PLG: variants seen among roughly 807,000 people sequenced by gnomAD.
PLG encodes the protein plasminogen.
PLG carries 41 observed loss-of-function variants against 104.4 expected under a neutral mutation model. The observed-to-expected ratio is 0.39, with a 90% CI of 0.31 to 0.51. The LOEUF (loss-of-function observed/expected upper bound fraction) is 0.51. PLG is among the 20% of genes least tolerant of loss of function. PLG has a pLI of 0.76. For synonymous variants in PLG, 337 were observed against 357.1 expected, an observed-to-expected ratio of 0.94 and a Z score of 0.63; for missense variants, 891 against 1,003.6, an observed-to-expected ratio of 0.89 and a Z score of 1.52.
chr6:160,706,567 C>A (rs376903431), intron 2 of PLG, 25 bp downstream of exon 2: 13 of 1,606,370 alleles, frequency 8.1e-6, no homozygotes, highest in African/African-American at 6.7e-5. Flanking sequence ...GTTGCACCTA[C>A]GCAGGAATCT....
In PLG at chr6:160,706,447, G is replaced by A. The variant is rs1777525920; in HGVS notation, c.90G>A (p.Gly30=). 6.2e-7 allele frequency: 1 copy of A among 1,613,638 alleles called. No homozygotes were observed. Among genetic ancestry groups the A allele is most frequent in the Non-Finnish European group, 8.5e-7 (1 of 1,179,690 alleles). The change falls in exon 2 of 19, where the codon GGG becomes GGA. Residue 30 remains glycine, a synonymous_variant. Transcript: ENST00000308192. ...EPLDDYVNTQ[G]ASLFSVTKKQ... Reference sequence around the variant, plus strand: ...TGGATGACTATGTGAATACCCAGGGGGCTTCACTGTTCAGTGTCACTAAGA... The same window carrying A: ...TGGATGACTATGTGAATACCCAGGGAGCTTCACTGTTCAGTGTCACTAAGA...
chr6:160,752,819 AT>A lies in PLG; in HGVS notation c.2272-80del, dbSNP rs1210258168. The A allele has an allele frequency of 2.7e-6, 4 of 1,458,552 alleles. No homozygotes were observed. Among genetic ancestry groups the A allele is most frequent in the Non-Finnish European group, 3.9e-6 (4 of 1,038,870 alleles). The allele number at this position is 1,458,552 out of a possible 1,614,324, so 90.4% of individuals were successfully genotyped here. Reference sequence around the variant, plus strand: ...TTTCAATTACTGGGAAAATGTATATATGGATAGTAGAAGGATGGCATCCCAT... The same window carrying A: ...TTTCAATTACTGGGAAAATGTATATAGGATAGTAGAAGGATGGCATCCCAT... On this transcript the variant is annotated intron_variant, in intron 18 of 18. Transcript: ENST00000308192. This position sits in a 1 kb window ranked among gnomAD's most constrained non-coding sequence, Gnocchi z 4.7.
chr6:160,749,215 C>G (rs1778352867), intron 17 of PLG, among the ~76,000 whole-genome samples: 1 of 152,170 alleles, frequency 6.6e-6, no homozygotes, highest in Non-Finnish European at 1.5e-5. Context: ...CCTGTACCAA[C>G]ATATAAGGTC....
chr6:160,733,425 G>A (rs1582945216), intron 12 of PLG, among the ~76,000 whole-genome samples: 1 of 152,130 alleles, frequency 6.6e-6, no homozygotes, highest in Non-Finnish European at 1.5e-5. Context: ...AAAGACCCCC[G>A]AGGGTCACCA....
chr6:160,730,164 C>G (rs913479124), intron 10 of PLG, among the ~76,000 whole-genome samples: 8 of 152,228 alleles, frequency 5.3e-5, no homozygotes, highest in African/African-American at 1.9e-4. Flanking sequence ...TCCCCCCCAG[C>G]CCGGGGTCCT....
At position 160,748,035 on chromosome 6, in the gene PLG, A is replaced by G. The variant is rs558618114; in HGVS notation, c.2126-4080A>G. Among the ~76,000 whole-genome samples, 1,091 of 151,438 alleles carry G rather than the reference A, an allele frequency of 7.2e-3. 8 individuals are homozygous for G. The highest frequency in any genetic ancestry group is 0.011 in the Non-Finnish European group (768 of 67,498). Reference sequence around the variant, plus strand: ...AGTCATAAACTCTCTGGCTGGGTGCAGTGGCTCACGCCTGTAATCCCAGCA... The same window carrying G: ...AGTCATAAACTCTCTGGCTGGGTGCGGTGGCTCACGCCTGTAATCCCAGCA... On this transcript the variant is annotated intron_variant, in intron 17 of 18. Transcript: ENST00000308192.
rs1778452162 is a variant in PLG at position 160,754,081 on chromosome 6, AGATT to A, written c.*1021_*1024del. ...AGCTGTGTTTATTTCATTGACAAAT[AGATT>A]ATTTGTATTCAATTCTGATGTGCTT... On this transcript the variant is annotated 3_prime_UTR_variant, in exon 19 of 19. Coordinates refer to ENST00000308192, the MANE Select transcript of PLG (RefSeq NM_000301.5). This position sits in a 1 kb window ranked among gnomAD's most constrained non-coding sequence, Gnocchi z 4.9. 6.6e-6 allele frequency among the ~76,000 whole-genome samples: 1 copy of A among 152,228 alleles called. No homozygotes were observed. The highest frequency in any genetic ancestry group is 2.1e-4 in the South Asian group (1 of 4,832).
chr6:160,730,869 G>T (rs1562378104), intron 10 of PLG, 182 bp from the exon 11 acceptor site: 1 of 602,464 alleles, frequency 1.7e-6, no homozygotes, highest in Non-Finnish European at 2.9e-6. Flanking sequence ...ATCTGTCTTT[G>T]AAATGTACAC....
At position 160,725,153 on chromosome 6, in the gene PLG, T is replaced by C. The variant is rs1777902296; in HGVS notation, c.1256+2586T>C. ...TCACTTGAACCCAGGAGGTGGAGGTTGCAGTGAGCTGAGATCGTGCCATTA... is the reference window on the plus strand; with the variant it reads ...TCACTTGAACCCAGGAGGTGGAGGTCGCAGTGAGCTGAGATCGTGCCATTA... On this transcript the variant is annotated intron_variant, in intron 10 of 18. Coordinates refer to ENST00000308192, the MANE Select transcript of PLG (RefSeq NM_000301.5). This position sits in a 1 kb window ranked among gnomAD's most constrained non-coding sequence, Gnocchi z 6.3. 6.6e-6 allele frequency among the ~76,000 whole-genome samples: 1 copy of C among 152,058 alleles called. No homozygotes were observed. The highest frequency in any genetic ancestry group is 2.4e-5 in the African/African-American group (1 of 41,384).
rs1345491693 is a variant in PLG at position 160,724,187 on chromosome 6, A to AAT, written c.1256+1631_1256+1632dup. Reference sequence around the variant, plus strand: ...TGAAGAAATTGGCAAGAAGATTTGAAATATATATATATCATAATTGTGTTC... The same window carrying AAT: ...TGAAGAAATTGGCAAGAAGATTTGAAATATATATATATATCATAATTGTGTTC... On this transcript the variant is annotated intron_variant, in intron 10 of 18. Coordinates refer to ENST00000308192, the MANE Select transcript of PLG (RefSeq NM_000301.5). This position sits in a 1 kb window ranked among gnomAD's most constrained non-coding sequence, Gnocchi z 5.0. Among the ~76,000 whole-genome samples, 4 of 152,206 alleles carry AAT rather than the reference A, an allele frequency of 2.6e-5. No individual in the cohort carries two copies. The highest frequency in any genetic ancestry group is 6.5e-5 in the Admixed American group (1 of 15,272).
chr6:160,711,937 T>C, intron 4 of PLG: 2 of 1,300,158 alleles, frequency 1.5e-6, no homozygotes, highest in Non-Finnish European at 9.8e-7. Context: ...TTTGTACTTT[T>C]CCCAGTTTGG....
intron 3 of PLG, among the ~76,000 whole-genome samples, 153 bp from the exon 4 acceptor site, chr6:160,710,924 T>C (rs1159128772): frequency 6.6e-6 from 1 of 152,224 alleles, no homozygotes; most frequent in Non-Finnish European, 1.5e-5. Flanking sequence ...CTCAGTTTAC[T>C]GCAGCCTTTT....
chr6:160,718,255 A>AATAT, intron 7 of PLG, 39 bp from the exon 8 acceptor site: 1 of 1,576,296 alleles, frequency 6.3e-7, no homozygotes. Context: ...CGTCTCAAAA[A>AATAT]ATATATATAT....
chr6:160,737,061 A>T lies in PLG; in HGVS notation c.1802+54A>T. ...CTGTCCCTCCACGTAAGCCCTGCAA[A>T]ACCCTTCTACATTTACATAAAATCC... On this transcript the variant is annotated intron_variant, in intron 14 of 18. Coordinates refer to ENST00000308192, the MANE Select transcript of PLG (RefSeq NM_000301.5). The surrounding 1 kb of genome is among the most constrained non-coding windows in gnomAD (Gnocchi z 4.7). 1 of 1,607,998 alleles carries T rather than the reference A, an allele frequency of 6.2e-7. No homozygotes were observed. The highest frequency in any genetic ancestry group is 8.5e-7 in the Non-Finnish European group (1 of 1,177,426).
rs1778173373 is a variant in PLG, at chr6:160,740,495, A to T, written c.2019-816A>T. 6.6e-6 allele frequency among the ~76,000 whole-genome samples: 1 copy of T among 152,166 alleles called. No individual in the cohort carries two copies. Among genetic ancestry groups the T allele is most frequent in the Admixed American group, 6.5e-5 (1 of 15,274 alleles). ...CCCACACCCCGAGTCTAGGGCATTT[A>T]GTGCTCCACCAGGGAACCTGTAGAG... On this transcript the variant is annotated intron_variant, in intron 16 of 18. Transcript: ENST00000308192. This position sits in a 1 kb window ranked among gnomAD's most constrained non-coding sequence, Gnocchi z 5.2.
rs1245529112 is a variant in PLG, at chr6:160,724,638, C to T, written c.1256+2071C>T. The stretch of plus-strand genomic sequence containing the variant: ...TAGTGGTAAAAATGACTGATGCCTT[C>T]TCGTCAGAAACTATGCTGGTCAGAA... On this transcript the variant is annotated intron_variant, in intron 10 of 18. Coordinates refer to ENST00000308192, the MANE Select transcript of PLG (RefSeq NM_000301.5). This position sits in a 1 kb window ranked among gnomAD's most constrained non-coding sequence, Gnocchi z 5.0. Among the ~76,000 whole-genome samples the T allele has an allele frequency of 1.3e-5, 2 of 152,082 alleles. No homozygotes were observed. Among genetic ancestry groups the T allele is most frequent in the African/African-American group, 4.8e-5 (2 of 41,406 alleles).
intron 12 of PLG, 149 bp from the exon 13 acceptor site, chr6:160,733,846 G>GAAA (rs10540264): frequency 3.7e-4 from 130 of 348,772 alleles, no homozygotes; most frequent in South Asian, 6.6e-4. Flanking sequence ...CTCCACCTCA[G>GAAA]AAAAAAAAAA....
chr6:160,716,850 A>T (rs1392405082), intron 7 of PLG, 87 bp downstream of exon 7: 1 of 844,494 alleles, frequency 1.2e-6, no homozygotes, highest in Non-Finnish European at 2.1e-6. Context: ...GCCTGAGTGC[A>T]GCCTCTGAAA....
chr6:160,748,402 A>AAAG (rs1778326389), intron 17 of PLG, among the ~76,000 whole-genome samples: 2 of 18,674 alleles, frequency 1.1e-4, no homozygotes, highest in Non-Finnish European at 2.3e-4. Flanking sequence ...GAAAGAAAGG[A>AAAG]AGAAAGAAAG....
Sources: gnomAD v4.1 joint callset for allele counts (sites outside exome capture counted in the v4.1 genomes callset) on GRCh38, gnomAD v4.1.1 for gene constraint, Gnocchi (gnomAD v3.1) non-coding constraint, MANE v1.5 for transcripts, NCBI Gene and HGNC (gene_info 2026-07-23, HGNC 2026-07-21) for gene names.